The following NSG2 variants were observed in gnomAD, a reference collection of about 807,000 sequenced individuals.
NSG2 encodes neuronal vesicle trafficking associated 2.
A neutral mutation model predicts 16.9 loss-of-function variants in NSG2; 4 were observed. That is an observed-to-expected ratio of 0.24 (90% confidence interval 0.12 to 0.54). NSG2 has a LOEUF of 0.54. Among genes scored for constraint, NSG2 ranks in the 20% least tolerant of loss-of-function variants. NSG2 has a pLI of 0.95. For missense variants in NSG2, 179 were observed against 221.1 expected, an observed-to-expected ratio of 0.81 and a Z score of 1.21; for synonymous variants, 98 against 88.7, an observed-to-expected ratio of 1.11 and a Z score of -0.59.
intron 3 of NSG2, among the ~76,000 whole-genome samples, chr5:174,096,609 G>A (rs1760797351): frequency 1.3e-5 from 2 of 152,196 alleles, no homozygotes; most frequent in South Asian, 4.1e-4. Context: ...TGGCTTGTTG[G>A]AGAGTCTAGG....
chr5:174,073,733 G>T (rs544374846), intron 3 of NSG2, among the ~76,000 whole-genome samples: 2 of 152,316 alleles, frequency 1.3e-5, no homozygotes, highest in South Asian at 2.1e-4. Flanking sequence ...TGTGCATAGG[G>T]TTTGATGAGA....
chr5:174,054,332 T>C (rs1019187956), intron 2 of NSG2, among the ~76,000 whole-genome samples: 1 of 152,258 alleles, frequency 6.6e-6, no homozygotes, highest in African/African-American at 2.4e-5. Flanking sequence ...TTTTATTCTA[T>C]ACTTTTTATC....
At chr5:174,076,422 A>G (rs1328932094) in intron 3 of NSG2, among the ~76,000 whole-genome samples, 1 of 152,166 alleles carries the variant, frequency 6.6e-6, no homozygotes, top group Non-Finnish European at 1.5e-5. Context: ...TGTACAAGAT[A>G]TGAGACAGGG....
intron 2 of NSG2, among the ~76,000 whole-genome samples, chr5:174,058,235 A>G (rs1405289926): frequency 2.0e-5 from 3 of 152,084 alleles, no homozygotes; most frequent in African/African-American, 7.2e-5. Context: ...GTGATATCTG[A>G]GTGGAAGTAA....
intron 4 of NSG2, among the ~76,000 whole-genome samples, chr5:174,105,880 G>T (rs896353128): frequency 2.0e-5 from 3 of 152,080 alleles, no homozygotes; most frequent in Non-Finnish European, 4.4e-5. Flanking sequence ...AGCCTGGGGG[G>T]ACAGAGCGAG....
At chr5:174,101,129 T>C (rs906675072) in intron 3 of NSG2, among the ~76,000 whole-genome samples, 4 of 152,164 alleles carry the variant, frequency 2.6e-5, no homozygotes, top group African/African-American at 9.7e-5. Context: ...GGCAACTCTC[T>C]TGGCTGGGCC....
chr5:174,051,897 T>A (rs530215484), intron 2 of NSG2, among the ~76,000 whole-genome samples: 97 of 152,294 alleles, frequency 6.4e-4, no homozygotes, highest in African/African-American at 2.3e-3. Context: ...GGAGGAACGA[T>A]CAGGGGGCCA....
At chr5:174,102,363 A>T (rs866936240) in intron 3 of NSG2, among the ~76,000 whole-genome samples, 1 of 152,188 alleles carries the variant, frequency 6.6e-6, no homozygotes, top group Non-Finnish European at 1.5e-5. Context: ...GGCACTCCCA[A>T]AGTTAATTTT....
intron 3 of NSG2, chr5:174,091,149 G>A (rs1760716093): frequency 1.3e-5 from 2 of 151,562 alleles, no homozygotes; most frequent in African/African-American, 4.9e-5. Flanking sequence ...ATGTCTCCAT[G>A]GAGATGGTAA....
intron 3 of NSG2, among the ~76,000 whole-genome samples, chr5:174,093,129 C>G (rs1467559226): frequency 6.6e-6 from 1 of 152,092 alleles, no homozygotes; most frequent in Non-Finnish European, 1.5e-5. Flanking sequence ...CTCACCCTGC[C>G]CCTCACATAT....
intron 4 of NSG2, among the ~76,000 whole-genome samples, chr5:174,104,948 A>G (rs1760953494): frequency 6.6e-6 from 1 of 152,202 alleles, no homozygotes; most frequent in African/African-American, 2.4e-5. Flanking sequence ...TCAGTTAACA[A>G]AGGGCCTATT....
chr5:174,085,553 C>T (rs2113459697), intron 3 of NSG2, among the ~76,000 whole-genome samples: 1 of 152,334 alleles, frequency 6.6e-6, no homozygotes, highest in Non-Finnish European at 1.5e-5. Context: ...AGCTTCATGA[C>T]CTCACTGCTC....
intron 3 of NSG2, among the ~76,000 whole-genome samples, chr5:174,087,407 C>T (rs1161460786): frequency 6.6e-6 from 1 of 152,114 alleles, no homozygotes; most frequent in Non-Finnish European, 1.5e-5. Flanking sequence ...GACTTAACTA[C>T]TCCGTGTTTC....
chr5:174,051,869 C>A (rs1057346875), intron 2 of NSG2, among the ~76,000 whole-genome samples: 1 of 152,228 alleles, frequency 6.6e-6, no homozygotes, highest in Non-Finnish European at 1.5e-5. Context: ...GCAGGCCTAA[C>A]TGAGCCCTCA....
intron 3 of NSG2, among the ~76,000 whole-genome samples, chr5:174,101,754 T>G (rs574743049): frequency 6.6e-6 from 1 of 152,218 alleles, no homozygotes; most frequent in African/African-American, 2.4e-5. Flanking sequence ...GCATTTAAAA[T>G]TTTTTTATAT....
intron 3 of NSG2, among the ~76,000 whole-genome samples, chr5:174,097,325 G>T (rs1760812902): frequency 6.6e-6 from 1 of 152,022 alleles, no homozygotes; most frequent in South Asian, 2.1e-4. Flanking sequence ...TTGGGCACAT[G>T]TGTGGGGTGG....
At chr5:174,082,643 A>G (rs1042853743) in intron 3 of NSG2, 3 of 152,204 alleles carry the variant, frequency 2.0e-5, no homozygotes, top group Admixed American at 6.5e-5. Flanking sequence ...AGATGGAGAC[A>G]CCGATCTTAC....
At chr5:174,101,778 A>G (rs937874407) in intron 3 of NSG2, among the ~76,000 whole-genome samples, 1 of 152,178 alleles carries the variant, frequency 6.6e-6, no homozygotes, top group Admixed American at 6.5e-5. Context: ...TACTCCAAAC[A>G]CATGTTGATC....
chr5:174,062,161 G>T (rs965076862), intron 2 of NSG2, among the ~76,000 whole-genome samples: 6 of 152,078 alleles, frequency 3.9e-5, no homozygotes, highest in Admixed American at 2.6e-4. Context: ...AATCCAACGA[G>T]GTGGTCATGG....
Sources: allele counts gnomAD v4.1 joint callset (sites outside exome capture counted in the v4.1 genomes callset), GRCh38; gene constraint gnomAD v4.1.1; transcripts MANE v1.5; gene names NCBI Gene and HGNC (gene_info 2026-07-23, HGNC 2026-07-21).